Variants in ETFA observed in about 807,000 individuals in gnomAD.
ETFA encodes the protein electron transfer flavoprotein subunit alpha, mitochondrial.
ETFA carries 22 observed loss-of-function variants against 46.2 expected under a neutral mutation model. The observed-to-expected ratio is 0.48, with a 90% CI of 0.34 to 0.68. The LOEUF is 0.68. Among genes scored for constraint, ETFA ranks in the 30% least tolerant of loss-of-function variants. The pLI is 0.01. For missense variants in ETFA, 345 were observed against 401.1 expected (o/e 0.86, Z 1.19); for synonymous variants, 131 against 139.9 (o/e 0.94, Z 0.45).
chr15:76,283,979 C>A, intron 7 of ETFA, 154 bp from the exon 8 acceptor site: 1 of 619,828 alleles, frequency 1.6e-6, no homozygotes, highest in South Asian at 1.9e-5. Flanking sequence ...GCCTCTGACA[C>A]TCCTATACTT....
intron 9 of ETFA, among the ~76,000 whole-genome samples, chr15:76,267,300 A>G (rs1272534155): frequency 6.6e-6 from 1 of 152,244 alleles, no homozygotes; most frequent in Non-Finnish European, 1.5e-5. Flanking sequence ...TTGCTGTGCT[A>G]GTAGGACAAG....
rs552812471 is a variant in ETFA, at chr15:76,294,916, A to C, written c.186+675T>G. On this transcript the variant is annotated intron_variant, in intron 2 of 11. Transcript: ENST00000557943. Reference sequence around the variant, plus strand: ...TCCCTTCAGATTTATTCCTCTGTGAAGTTTAAGCCCCCAACTACACACTCA... The same window carrying C: ...TCCCTTCAGATTTATTCCTCTGTGACGTTTAAGCCCCCAACTACACACTCA... Among the ~76,000 whole-genome samples the C allele has an allele frequency of 3.3e-5, 5 of 152,324 alleles. No homozygotes were observed. In the South Asian group the frequency reaches 1.0e-3, roughly 32 times the overall value.
intron 9 of ETFA, among the ~76,000 whole-genome samples, chr15:76,269,339 C>T (rs1050722501): frequency 1.3e-5 from 2 of 152,148 alleles, no homozygotes; most frequent in Admixed American, 1.3e-4. Flanking sequence ...TCTAAAATAC[C>T]TAGTGGCCTT....
chr15:76,297,104 G>A lies in ETFA; in HGVS notation c.40-1367C>T, dbSNP rs575699328. ...GCAATAACCTTAAGCTCTGGAGCTGGAGTGAAGAAAGCATAGCATGGAATT... is the reference window on the plus strand; with the variant it reads ...GCAATAACCTTAAGCTCTGGAGCTGAAGTGAAGAAAGCATAGCATGGAATT... On this transcript the variant is annotated intron_variant, in intron 1 of 11. Transcript: ENST00000557943. Among the ~76,000 whole-genome samples the A allele has an allele frequency of 2.6e-4, 39 of 152,346 alleles. 1 individual carries two copies. In the South Asian group the frequency reaches 5.8e-3, roughly 23 times the overall value.
At chr15:76,237,210 G>A (rs1363494261) in intron 9 of ETFA, among the ~76,000 whole-genome samples, 2 of 152,004 alleles carry the variant, frequency 1.3e-5, no homozygotes, top group African/African-American at 2.4e-5. Flanking sequence ...GTGCCACCTC[G>A]CCCGGCTAAT....
chr15:76,262,684 G>A (rs570391120), intron 9 of ETFA, among the ~76,000 whole-genome samples: 22 of 151,800 alleles, frequency 1.4e-4, no homozygotes, highest in Non-Finnish European at 1.8e-4. Flanking sequence ...GGGTTTCACC[G>A]TGTAATCCAG....
intron 8 of ETFA, among the ~76,000 whole-genome samples, chr15:76,274,970 T>C (rs1194820418): frequency 6.6e-6 from 1 of 152,102 alleles, no homozygotes; most frequent in Non-Finnish European, 1.5e-5. Flanking sequence ...AAACAACCCC[T>C]TCCCCAGCAG....
At chr15:76,241,398 G>A (rs2039186530) in intron 9 of ETFA, among the ~76,000 whole-genome samples, 1 of 152,072 alleles carries the variant, frequency 6.6e-6, no homozygotes, top group South Asian at 2.1e-4. Flanking sequence ...CAGCTACTTG[G>A]GAGGCTGAAG....
chr15:76,311,267 G>T lies in ETFA; in HGVS notation c.39+83C>A, dbSNP rs1465121667. 6 of 1,459,222 alleles carry T rather than the reference G, an allele frequency of 4.1e-6. 1 individual carries two copies. The highest frequency in any genetic ancestry group is 5.6e-6 in the Non-Finnish European group (6 of 1,073,380). The allele number at this position is 1,459,222 out of a possible 1,614,324, so 90.4% of individuals were successfully genotyped here. A position where few individuals can be genotyped will look rare whatever the true frequency, so the allele number is the denominator to read the frequency against. ...GCGAGGGCTGGTCGAATCTGAGGGG[G>T]CCAGTGATCTTTGCAAGACCCCATA... On this transcript the variant is annotated intron_variant, in intron 1 of 11. Transcript: ENST00000557943.
At chr15:76,276,987 A>G (rs2141519572) in intron 8 of ETFA, among the ~76,000 whole-genome samples, 1 of 152,292 alleles carries the variant, frequency 6.6e-6, no homozygotes, top group East Asian at 1.9e-4. Context: ...ATATCTTGCA[A>G]TATTTTCTTG....
At chr15:76,310,912 A>G (rs1442289157) in intron 1 of ETFA, among the ~76,000 whole-genome samples, 1 of 149,626 alleles carries the variant, frequency 6.7e-6, no homozygotes, top group African/African-American at 2.5e-5. Context: ...AAAGTGTTTA[A>G]TTCTTCCAGA....
intron 8 of ETFA, among the ~76,000 whole-genome samples, chr15:76,276,895 T>G (rs2039598353): frequency 1.3e-5 from 2 of 152,246 alleles, no homozygotes; most frequent in Non-Finnish European, 2.9e-5. Context: ...CACAGTTGTT[T>G]TAAATTTCCA....
chr15:76,267,633 A>G (rs1399599326), intron 9 of ETFA, among the ~76,000 whole-genome samples: 1 of 152,210 alleles, frequency 6.6e-6, no homozygotes, highest in Non-Finnish European at 1.5e-5. Flanking sequence ...TTGCTTAAAG[A>G]GCTAATCCTA....
chr15:76,253,409 C>T (rs776285530), intron 9 of ETFA, among the ~76,000 whole-genome samples: 1 of 152,020 alleles, frequency 6.6e-6, no homozygotes, highest in Non-Finnish European at 1.5e-5. Context: ...TTTGTGTCCC[C>T]TTACTTTATG....
chr15:76,251,069 A>AT (rs1191797374), intron 9 of ETFA, among the ~76,000 whole-genome samples: 1 of 152,134 alleles, frequency 6.6e-6, no homozygotes, highest in Non-Finnish European at 1.5e-5. Flanking sequence ...TATAAGCTAC[A>AT]TTTTCAAGCT....
chr15:76,306,764 A>G (rs2039944396), intron 1 of ETFA, among the ~76,000 whole-genome samples: 1 of 152,206 alleles, frequency 6.6e-6, no homozygotes, highest in Admixed American at 6.5e-5. Context: ...GCTTTTAATC[A>G]TGACCAGAAA....
chr15:76,291,194 C>G (rs1452292866), intron 4 of ETFA, among the ~76,000 whole-genome samples: 1 of 152,038 alleles, frequency 6.6e-6, no homozygotes, highest in African/African-American at 2.4e-5. Flanking sequence ...CCAGTCTGGG[C>G]AACAGAGCTA....
chr15:76,292,776 CAG>C, intron 2 of ETFA, 76 bp from the exon 3 acceptor site: 2 of 996,096 alleles, frequency 2.0e-6, no homozygotes, highest in Non-Finnish European at 1.6e-6. Context: ...TAAATATCAA[CAG>C]ATCATAAAAT....
rs149708622 is a variant in ETFA at position 76,233,432 on chromosome 15, C to T, written c.817-2034G>A. On this transcript the variant is annotated intron_variant, in intron 9 of 11. Coordinates refer to ENST00000557943, the MANE Select transcript of ETFA (RefSeq NM_000126.4). ...GCAACCTCCACCTCCCAGGTTCAAG[C>T]GATTCTCCCGCCTCGGCCTCCCGAG... 3.8e-3 allele frequency among the ~76,000 whole-genome samples: 544 copies of T among 141,650 alleles called. 3 individuals carry two copies. The highest frequency in any genetic ancestry group is 0.013 in the African/African-American group (517 of 38,918). 92.9% of individuals were successfully genotyped at this position (141,650 alleles called of 152,430 possible).
Sources: allele counts gnomAD v4.1 joint callset (sites outside exome capture counted in the v4.1 genomes callset), GRCh38; gene constraint gnomAD v4.1.1; transcripts MANE v1.5; gene names NCBI Gene and HGNC (gene_info 2026-07-23, HGNC 2026-07-21).